The following SLCO5A1 variants were observed in gnomAD, a reference collection of about 807,000 sequenced individuals.
The protein encoded by SLCO5A1 is solute carrier organic anion transporter family member 5A1, also known as organic anion transporter polypeptide-related protein 4.
A neutral mutation model predicts 65.1 loss-of-function variants in SLCO5A1; 39 were observed. The observed-to-expected ratio is 0.60, with a 90% CI of 0.46 to 0.78. The LOEUF is 0.78. SLCO5A1 is among the 30% of genes least tolerant of loss of function. The pLI, the probability that SLCO5A1 is intolerant of heterozygous loss-of-function variation, is 0.00. For missense variants in SLCO5A1, 1,029 were observed against 1,069.4 expected, an observed-to-expected ratio of 0.96 and a Z score of 0.53; for synonymous variants, 438 against 415.7, an observed-to-expected ratio of 1.05 and a Z score of -0.65.
At chr8:69,786,871 C>G (rs890737334) in intron 2 of SLCO5A1, among the ~76,000 whole-genome samples, 1 of 152,126 alleles carries the variant, frequency 6.6e-6, no homozygotes, top group African/African-American at 2.4e-5. Context: ...TAAGTAAAAG[C>G]CTTGACAACT....
At position 69,705,191 on chromosome 8, in the gene SLCO5A1, G is replaced by A. The variant is rs138620020; in HGVS notation, c.1462C>T (p.Leu488Phe). Reference sequence around the variant, plus strand: ...AATTTTTTTATAATGTAGCCTCCGAGGACAATACCAACACCAGCACTGGGG... The same window carrying A: ...AATTTTTTTATAATGTAGCCTCCGAAGACAATACCAACACCAGCACTGGGG... Reference protein sequence around the residue: ...IVPSAGVGIVLGGYIIKKLKL... With the variant: ...IVPSAGVGIVFGGYIIKKLKL... Residue 488 changes from leucine (L) to phenylalanine (F), a missense_variant, in exon 6 of 10, where the codon CTC becomes TTC. Leu to Phe is a conservative substitution (Grantham distance 22). This residue lies in a region of SLCO5A1 where 647 missense variants were observed against 647.5 expected (regional missense o/e 1.00). Transcript: ENST00000260126. 1 of 1,614,122 alleles carries A rather than the reference G, an allele frequency of 6.2e-7. No individual in the cohort carries two copies. Among genetic ancestry groups the A allele is most frequent in the Non-Finnish European group, 8.5e-7 (1 of 1,180,030 alleles).
At chr8:69,779,030 T>C (rs1818694389) in intron 2 of SLCO5A1, among the ~76,000 whole-genome samples, 1 of 152,208 alleles carries the variant, frequency 6.6e-6, no homozygotes, top group Non-Finnish European at 1.5e-5. Flanking sequence ...ATGTATAGTG[T>C]ATGGCTACTT....
At chr8:69,795,400 A>C (rs1228666034) in intron 2 of SLCO5A1, among the ~76,000 whole-genome samples, 1 of 152,244 alleles carries the variant, frequency 6.6e-6, no homozygotes, top group Non-Finnish European at 1.5e-5. Flanking sequence ...TAAATTCAGC[A>C]AAAGGGGCTA....
At chr8:69,747,354 TATCCATGGATTCTGC>T (rs200861143) in intron 4 of SLCO5A1, among the ~76,000 whole-genome samples, 76 of 152,188 alleles carry the variant, frequency 5.0e-4, no homozygotes, top group East Asian at 1.4e-3. Context: ...TGGTCCTCTA[TATCCATGGATTCTGC>T]ATCCATGGAT....
At chr8:69,748,940 G>T (rs1182225361) in intron 4 of SLCO5A1, among the ~76,000 whole-genome samples, 2 of 152,114 alleles carry the variant, frequency 1.3e-5, no homozygotes, top group Non-Finnish European at 2.9e-5. Context: ...TTTATATAAA[G>T]GGCACTGAGC....
chr8:69,751,792 C>T (rs1817314390), intron 4 of SLCO5A1, among the ~76,000 whole-genome samples: 1 of 152,100 alleles, frequency 6.6e-6, no homozygotes, highest in South Asian at 2.1e-4. Context: ...GGTAATCCGC[C>T]CACCTTGGCC....
intron 4 of SLCO5A1, among the ~76,000 whole-genome samples, chr8:69,740,175 A>C (rs1816735938): frequency 6.6e-6 from 1 of 152,008 alleles, no homozygotes. Flanking sequence ...ACCTTCAACG[A>C]CTCTAAGTTC....
chr8:69,767,904 A>C (rs1481653115), intron 2 of SLCO5A1, among the ~76,000 whole-genome samples: 5 of 139,646 alleles, frequency 3.6e-5, no homozygotes, highest in South Asian at 2.3e-4. Context: ...AAAAAAAAAA[A>C]AAAAAAACAA....
At chr8:69,750,822 C>T (rs188136777) in intron 4 of SLCO5A1, among the ~76,000 whole-genome samples, 1 of 152,240 alleles carries the variant, frequency 6.6e-6, no homozygotes, top group Non-Finnish European at 1.5e-5. Context: ...GTCCTGGCTC[C>T]CTCAGTGGAC....
chr8:69,816,489 A>G (rs1376952153), intron 2 of SLCO5A1, among the ~76,000 whole-genome samples: 1 of 152,184 alleles, frequency 6.6e-6, no homozygotes, highest in Non-Finnish European at 1.5e-5. Context: ...TTCTCCAGCA[A>G]AAGGAAACTG....
Position 69,832,007 on chromosome 8 carries a change from G to A in SLCO5A1, c.667C>T (p.Gln223Ter). The A allele has an allele frequency of 6.2e-7, 1 of 1,600,816 alleles. No homozygotes were observed. Among genetic ancestry groups the A allele is most frequent in the Non-Finnish European group, 8.5e-7 (1 of 1,173,694 alleles). ...ALPHFISPPY[Q>*]IQELNASAPN... ...GCCGAGGCGTTCAACTCTTGGATCTGGTAGGGGGGCGAGATGAAGTGAGGT... is the reference window on the plus strand; with the variant it reads ...GCCGAGGCGTTCAACTCTTGGATCTAGTAGGGGGGCGAGATGAAGTGAGGT... Residue 223 changes from glutamine (Q) to a stop codon, truncating the protein, a stop_gained, in exon 2 of 10, where the codon CAG becomes TAG. Coordinates refer to ENST00000260126, the MANE Select transcript of SLCO5A1 (RefSeq NM_030958.3). LOFTEE classifies it high-confidence loss of function. The surrounding 1 kb of genome is among the most constrained non-coding windows in gnomAD (Gnocchi z 4.5).
At chr8:69,717,041 A>G (rs530288163) in intron 5 of SLCO5A1, among the ~76,000 whole-genome samples, 6 of 152,174 alleles carry the variant, frequency 3.9e-5, no homozygotes, top group Non-Finnish European at 7.4e-5. Context: ...TGGCCTCCCA[A>G]TGTTGGAATT....
At chr8:69,706,590 A>G (rs1387799959) in intron 5 of SLCO5A1, among the ~76,000 whole-genome samples, 3 of 152,200 alleles carry the variant, frequency 2.0e-5, no homozygotes, top group East Asian at 1.9e-4. Context: ...GTGAAGTTAC[A>G]TGGTGGGAGG....
intron 6 of SLCO5A1, among the ~76,000 whole-genome samples, chr8:69,683,412 G>C (rs866096995): frequency 6.6e-6 from 1 of 152,066 alleles, no homozygotes; most frequent in African/African-American, 2.4e-5. Flanking sequence ...TTTTGAAATA[G>C]ATTTAGAGGG....
At chr8:69,758,443 G>T (rs913274159) in intron 3 of SLCO5A1, among the ~76,000 whole-genome samples, 1 of 152,046 alleles carries the variant, frequency 6.6e-6, no homozygotes, top group African/African-American at 2.4e-5. Flanking sequence ...GCTTCCCAAA[G>T]TGCTGGGATT....
chr8:69,699,625 C>G (rs1435151406), intron 6 of SLCO5A1, among the ~76,000 whole-genome samples: 2 of 152,092 alleles, frequency 1.3e-5, no homozygotes, highest in South Asian at 2.1e-4. Context: ...CTAAGGATCA[C>G]CAGAAATTTG....
At chr8:69,713,371 G>A (rs1815360512) in intron 5 of SLCO5A1, 1 of 152,182 alleles carries the variant, frequency 6.6e-6, no homozygotes, top group Non-Finnish European at 1.5e-5. Context: ...TGCCTGGCTG[G>A]GCACATGGGA....
intron 2 of SLCO5A1, among the ~76,000 whole-genome samples, chr8:69,829,673 CTCAA>C (rs35168034): frequency 6.6e-6 from 1 of 151,802 alleles, no homozygotes; most frequent in East Asian, 1.9e-4. Flanking sequence ...AAGACCCTGT[CTCAA>C]TCAATCAATC....
At chr8:69,809,502 T>C (rs931212504) in intron 2 of SLCO5A1, among the ~76,000 whole-genome samples, 3 of 152,196 alleles carry the variant, frequency 2.0e-5, no homozygotes, top group Non-Finnish European at 4.4e-5. Context: ...CATTAGAATA[T>C]AGTCAAATTT....
Sources: gnomAD v4.1 joint callset for allele counts (sites outside exome capture counted in the v4.1 genomes callset) on GRCh38, gnomAD v4.1.1 for gene constraint, gnomAD v4.1.1 regional missense constraint, Gnocchi (gnomAD v3.1) non-coding constraint, MANE v1.5 for transcripts, NCBI Gene and HGNC (gene_info 2026-07-23, HGNC 2026-07-21) for gene names.